The following MROH7 variants were observed in gnomAD, a reference collection of about 807,000 sequenced individuals.
MROH7 encodes maestro heat-like repeat-containing protein family member 7.
Under a neutral mutation model 129.2 loss-of-function variants are expected in MROH7, and 113 were observed. That is an observed-to-expected ratio of 0.87 (90% CI 0.75 to 1.02). The LOEUF (loss-of-function observed/expected upper bound fraction) is 1.02. Ranked by LOEUF, MROH7 falls within the 50% of genes least tolerant of loss-of-function variation. The pLI is 0.00. For synonymous variants in MROH7, 655 were observed against 667.9 expected (o/e 0.98, Z 0.30); for missense variants, 1,601 against 1,671.3 (o/e 0.96, Z 0.73).
intron 5 of MROH7, 27 bp downstream of exon 5, chr1:54,668,964 G>GCTC: frequency 1.3e-6 from 2 of 1,525,014 alleles, no homozygotes; most frequent in Non-Finnish European, 1.8e-6. Flanking sequence ...CGGGTCTGTG[G>GCTC]CATTGGGGTG....
chr1:54,666,452 T>TTTTTG (rs1644816698), intron 4 of MROH7, among the ~76,000 whole-genome samples: 5 of 100,286 alleles, frequency 5.0e-5, no homozygotes, highest in East Asian at 3.0e-4. Flanking sequence ...TTTTTTTTTT[T>TTTTTG]GAGGCAGGGT....
chr1:54,688,022 C>A (rs1645176161), intron 15 of MROH7, among the ~76,000 whole-genome samples: 1 of 150,558 alleles, frequency 6.6e-6, no homozygotes, highest in Non-Finnish European at 1.5e-5. Context: ...GAGTTCAAGA[C>A]CAGCCTGGCC....
chr1:54,656,150 G>A (rs992425943), intron 3 of MROH7, among the ~76,000 whole-genome samples: 13 of 151,546 alleles, frequency 8.6e-5, no homozygotes, highest in African/African-American at 2.7e-4. Context: ...TGCCTCAGCC[G>A]CCCAAAGTGC....
intron 11 of MROH7, 87 bp from the exon 12 acceptor site, chr1:54,679,176 C>T: frequency 7.5e-7 from 1 of 1,328,630 alleles, no homozygotes; most frequent in Non-Finnish European, 1.1e-6. Context: ...GGGCGTCAGG[C>T]AGTGTTTGTG....
chr1:54,660,935 G>A (rs1644722664), intron 3 of MROH7, among the ~76,000 whole-genome samples: 1 of 150,970 alleles, frequency 6.6e-6, no homozygotes, highest in Non-Finnish European at 1.5e-5. Flanking sequence ...AACTACTGAT[G>A]TTAAGCATCT....
At chr1:54,676,874 A>G (rs559309278) in intron 10 of MROH7, among the ~76,000 whole-genome samples, 28 of 151,612 alleles carry the variant, frequency 1.8e-4, no homozygotes, top group African/African-American at 6.5e-4. Context: ...GTGCCTGGCT[A>G]ATTTTTATAT....
At chr1:54,651,840 G>GTT (rs1371041194) in intron 1 of MROH7, 109 bp from the exon 2 acceptor site, 1 of 152,148 alleles carries the variant, frequency 6.6e-6, no homozygotes, top group Non-Finnish European at 1.5e-5. Flanking sequence ...GTGTGTGTGT[G>GTT]TAGTGCGGAG....
At chr1:54,675,754 T>C (rs920601793) in intron 10 of MROH7, among the ~76,000 whole-genome samples, 2 of 151,658 alleles carry the variant, frequency 1.3e-5, no homozygotes, top group African/African-American at 4.8e-5. Context: ...CATGCTACCA[T>C]GCCTGGCTAA....
At chr1:54,647,597 G>A (rs923625752) in intron 1 of MROH7, among the ~76,000 whole-genome samples, 2 of 152,110 alleles carry the variant, frequency 1.3e-5, no homozygotes, top group African/African-American at 4.8e-5. Context: ...AAAATTAGCC[G>A]GGTGTGGTGG....
In MROH7 at chr1:54,699,158, C is replaced by CT. The variant is rs370780781; in HGVS notation, c.2965-1159dup. ...TCTTTCTTTCTTTCTTTCTTTCTTT[C>CT]TTTTCTTTCTTTCTTTCTTTCTTTC... is the stretch of plus-strand genomic sequence containing the variant. On this transcript the variant is annotated intron_variant, in intron 17 of 23. Transcript: ENST00000421030. 2.8e-3 allele frequency: 190 copies of CT among 67,944 alleles called. 12 individuals carry two copies. The East Asian group carries it at 0.043, about 15-fold the overall frequency. The allele number at this position is 67,944 out of a possible 1,614,324, so 4.2% of individuals were successfully genotyped here.
chr1:54,649,500 G>A (rs1644523187), intron 1 of MROH7, among the ~76,000 whole-genome samples: 1 of 152,264 alleles, frequency 6.6e-6, no homozygotes, highest in Non-Finnish European at 1.5e-5. Flanking sequence ...AGGCAGCTCT[G>A]AAGACTTGCC....
At chr1:54,667,219 G>A (rs1394297716) in intron 4 of MROH7, among the ~76,000 whole-genome samples, 4 of 152,092 alleles carry the variant, frequency 2.6e-5, no homozygotes, top group Non-Finnish European at 4.4e-5. Context: ...TCCTCTGAGT[G>A]GTCTTCTCTG....
chr1:54,670,360 C>T (rs1295681797), intron 5 of MROH7, 137 bp from the exon 6 acceptor site: 3 of 658,592 alleles, frequency 4.6e-6, no homozygotes, highest in Non-Finnish European at 5.4e-6. Flanking sequence ...GTCCCAGTTA[C>T]TTGGGAAGCT....
intron 15 of MROH7, among the ~76,000 whole-genome samples, chr1:54,688,897 A>G (rs1487743386): frequency 1.3e-5 from 2 of 152,234 alleles, no homozygotes; most frequent in African/African-American, 4.8e-5. Flanking sequence ...TGCAGAGGGC[A>G]TGGCTCAAAT....
intron 15 of MROH7, among the ~76,000 whole-genome samples, chr1:54,692,219 T>C (rs1339705165): frequency 6.6e-6 from 1 of 151,788 alleles, no homozygotes; most frequent in Non-Finnish European, 1.5e-5. Context: ...CATAGGGAGG[T>C]GGACTTTGCT....
At chr1:54,679,793 C>A in intron 12 of MROH7, 98 bp from the exon 13 acceptor site, 1 of 1,233,856 alleles carries the variant, frequency 8.1e-7, no homozygotes, top group Admixed American at 1.8e-5. Flanking sequence ...CCCCTGTCCT[C>A]TAGCCTGTCA....
In MROH7 at chr1:54,686,253, C is replaced by T; in HGVS notation, c.2521-5C>T. The T allele has an allele frequency of 6.2e-7, 1 of 1,609,918 alleles. No homozygotes were observed. Among genetic ancestry groups the T allele is most frequent in the Non-Finnish European group, 8.5e-7 (1 of 1,177,708 alleles). ...CATCCCAGCAGCCTCCCCTCTGCCC[C>T]ATAGGCAGCCAGCGGCCTGTGCGAG... On this transcript the variant is annotated splice_polypyrimidine_tract_variant and splice_region_variant and intron_variant, in intron 14 of 23. Coordinates refer to ENST00000421030, the MANE Select transcript of MROH7 (RefSeq NM_001039464.4).
Position 54,670,595 on chromosome 1 carries a change from CT to C in MROH7, c.1469+20del, listed in dbSNP as rs1644882196. 9 of 1,604,026 alleles carry C rather than the reference CT, an allele frequency of 5.6e-6. No individual in the cohort carries two copies. The highest frequency in any genetic ancestry group is 6.8e-6 in the Non-Finnish European group (8 of 1,174,266). On this transcript the variant is annotated intron_variant, in intron 6 of 23. Transcript: ENST00000421030. ...AGCTGAGGTGTCCATGGCCCTCTCC[CT>C]GTTCCCACAGCCCCTCTCCTCTCTT...
chr1:54,691,088 A>G (rs950012484), intron 15 of MROH7, among the ~76,000 whole-genome samples: 1 of 152,202 alleles, frequency 6.6e-6, no homozygotes, highest in South Asian at 2.1e-4. Context: ...CAGTACTTGC[A>G]AAGGGAAGAG....
Sources: allele counts gnomAD v4.1 joint callset (sites outside exome capture counted in the v4.1 genomes callset), GRCh38; gene constraint gnomAD v4.1.1; transcripts MANE v1.5; gene names NCBI Gene and HGNC (gene_info 2026-07-23, HGNC 2026-07-21).